NRXN3: variants seen among roughly 807,000 people sequenced by gnomAD.
NRXN3 encodes neurexin 3, also known as neurexin III.
NRXN3 carries 32 observed loss-of-function variants against 137.6 expected under a neutral mutation model. The ratio of observed to expected loss-of-function variants is 0.23; its 90% CI spans 0.18 to 0.31. The LOEUF (loss-of-function observed/expected upper bound fraction) is 0.31, where lower values mean the gene tolerates loss of function less well. Ranked by LOEUF, NRXN3 falls within the 10% of genes least tolerant of loss-of-function variation. The pLI is 1.00. For synonymous variants in NRXN3, 798 were observed against 784.5 expected (o/e 1.02, Z -0.29); for missense variants, 1,574 against 2,062.5 (o/e 0.76, Z 4.59).
At chr14:78,585,141 G>GC (rs2097049071) in intron 4 of NRXN3, among the ~76,000 whole-genome samples, 1 of 109,858 alleles carries the variant, frequency 9.1e-6, no homozygotes, top group African/African-American at 3.9e-5. Flanking sequence ...GGGAGATAAG[G>GC]GGGGGGGGTG....
At chr14:78,181,778 G>A (rs1038159095) in intron 1 of NRXN3, among the ~76,000 whole-genome samples, 2 of 152,210 alleles carry the variant, frequency 1.3e-5, no homozygotes, top group Non-Finnish European at 2.9e-5. Flanking sequence ...TTCTAAAGCT[G>A]TCACAGAATA....
intron 4 of NRXN3, among the ~76,000 whole-genome samples, chr14:78,397,140 A>C (rs1049003560): frequency 5.9e-5 from 9 of 152,176 alleles, no homozygotes; most frequent in African/African-American, 2.2e-4. Context: ...CATCATGTGG[A>C]TTTAAACATT....
At chr14:78,711,434 C>CTTT (rs35251417) in intron 7 of NRXN3, among the ~76,000 whole-genome samples, 1 of 99,088 alleles carries the variant, frequency 1.0e-5, no homozygotes. Flanking sequence ...ATTCTTTTCT[C>CTTT]TTTTTTTTTT....
intron 15 of NRXN3, among the ~76,000 whole-genome samples, chr14:79,320,203 T>C (rs1238326329): frequency 2.0e-5 from 3 of 152,236 alleles, no homozygotes; most frequent in African/African-American, 2.4e-5. Flanking sequence ...TAAAAACACG[T>C]CTATGAAATG....
intron 17 of NRXN3, among the ~76,000 whole-genome samples, chr14:79,679,932 A>C (rs547952003): frequency 6.6e-6 from 1 of 152,312 alleles, no homozygotes; most frequent in Admixed American, 6.5e-5. Context: ...CTTGAGTTGT[A>C]AATCACAGCA....
At chr14:78,678,424 A>C (rs1444772930) in intron 6 of NRXN3, among the ~76,000 whole-genome samples, 1 of 151,938 alleles carries the variant, frequency 6.6e-6, no homozygotes, top group African/African-American at 2.4e-5. Context: ...ATTGGAGCTA[A>C]AATTATCTCC....
chr14:79,527,417 G>T (rs981008482), intron 16 of NRXN3, among the ~76,000 whole-genome samples: 1 of 151,976 alleles, frequency 6.6e-6, no homozygotes, highest in Non-Finnish European at 1.5e-5. Flanking sequence ...ATTGTGGATG[G>T]AAAGTGGTCT....
At chr14:78,216,950 CA>C (rs1201040066) in intron 1 of NRXN3, among the ~76,000 whole-genome samples, 1 of 152,136 alleles carries the variant, frequency 6.6e-6, no homozygotes, top group East Asian at 1.9e-4. Flanking sequence ...CCTCTAAGGA[CA>C]CTAGGGATTA....
intron 10 of NRXN3, among the ~76,000 whole-genome samples, chr14:78,831,928 A>T (rs1465385782): frequency 6.6e-6 from 1 of 152,158 alleles, no homozygotes; most frequent in Non-Finnish European, 1.5e-5. Flanking sequence ...TTCTAAGTCG[A>T]AAAAGACTTA....
intron 16 of NRXN3, among the ~76,000 whole-genome samples, chr14:79,547,871 C>T (rs2097335811): frequency 1.3e-5 from 2 of 152,168 alleles, no homozygotes; most frequent in Admixed American, 6.6e-5. Context: ...ATGACCAGAA[C>T]TCCACTATCC....
intron 9 of NRXN3, among the ~76,000 whole-genome samples, chr14:78,809,876 C>T (rs1024317673): frequency 3.3e-5 from 5 of 151,954 alleles, no homozygotes; most frequent in South Asian, 4.2e-4. Flanking sequence ...ACTTTAAAAA[C>T]GAATTTTAAG....
intron 10 of NRXN3, among the ~76,000 whole-genome samples, chr14:78,933,677 A>T (rs1406469971): frequency 6.6e-6 from 1 of 152,190 alleles, no homozygotes; most frequent in Non-Finnish European, 1.5e-5. Flanking sequence ...CCATTTTGTT[A>T]TTGACACTTC....
intron 15 of NRXN3, among the ~76,000 whole-genome samples, chr14:79,293,020 T>C (rs553961220): frequency 7.9e-5 from 12 of 152,286 alleles, no homozygotes; most frequent in East Asian, 7.7e-4. Flanking sequence ...ACCTAGAGTC[T>C]TGGCCTTATA....
intron 4 of NRXN3, among the ~76,000 whole-genome samples, chr14:78,444,420 T>C (rs1480241764): frequency 2.6e-5 from 4 of 152,046 alleles, no homozygotes; most frequent in African/African-American, 9.7e-5. Context: ...GGAGGGTCCA[T>C]GTGTAAGGAT....
chr14:79,378,445 G>A (rs898216650), intron 15 of NRXN3, among the ~76,000 whole-genome samples: 9 of 152,176 alleles, frequency 5.9e-5, no homozygotes, highest in African/African-American at 1.9e-4. Context: ...TGGTGGCTTT[G>A]TCATTGACTT....
At chr14:78,583,326 A>G (rs940806903) in intron 4 of NRXN3, among the ~76,000 whole-genome samples, 3 of 152,060 alleles carry the variant, frequency 2.0e-5, no homozygotes, top group Non-Finnish European at 4.4e-5. Context: ...AGGCAAAACT[A>G]TGGATGATTA....
rs1049525421 is a variant in NRXN3, at chr14:79,317,636, C to T, written c.3263-149585C>T. Among the ~76,000 whole-genome samples the T allele has an allele frequency of 5.9e-5, 9 of 152,160 alleles. No homozygotes were observed. In the South Asian group the frequency reaches 6.2e-4, roughly 11 times the overall value. ...AACTCAGGACAGGAAGGAAAAGCCC[C>T]GGCAACCGAATTGTATTGTTCTGCT... is the stretch of plus-strand genomic sequence containing the variant. On this transcript the variant is annotated intron_variant, in intron 15 of 20. Transcript: ENST00000335750.
intron 19 of NRXN3, among the ~76,000 whole-genome samples, chr14:79,705,587 T>A (rs984329348): frequency 3.3e-5 from 5 of 152,026 alleles, no homozygotes; most frequent in African/African-American, 1.2e-4. Flanking sequence ...CTTAAGCGAG[T>A]GTCTCATTCA....
At position 78,226,313 on chromosome 14, in the gene NRXN3, G is replaced by T. The variant is rs533206213; in HGVS notation, c.-703-16078G>T. On this transcript the variant is annotated intron_variant, in intron 1 of 20. Transcript: ENST00000335750. ...CCACCGGGTCCGGCCCAAGTAGCAG[G>T]TATTTATTAGAGGTTTGTTGAATGA... Among the ~76,000 whole-genome samples, 3 of 152,256 alleles carry T rather than the reference G, an allele frequency of 2.0e-5. No individual in the cohort carries two copies. In the South Asian group the frequency reaches 6.2e-4, roughly 32 times the overall value.
Sources: allele counts gnomAD v4.1 joint callset (sites outside exome capture counted in the v4.1 genomes callset), GRCh38; gene constraint gnomAD v4.1.1; transcripts MANE v1.5; gene names NCBI Gene and HGNC (gene_info 2026-07-23, HGNC 2026-07-21).